C2: variants seen among roughly 807,000 people sequenced by gnomAD.
The protein encoded by C2 is complement C2.
Under a neutral mutation model 85.2 loss-of-function variants are expected in C2, and 64 were observed. The ratio of observed to expected loss-of-function variants is 0.75; its 90% confidence interval spans 0.61 to 0.92. C2 has a LOEUF of 0.92. C2 is among the 40% of genes least tolerant of loss of function. The pLI is 0.00. For synonymous variants in C2, 311 were observed against 370.8 expected (o/e 0.84, Z 1.85); for missense variants, 820 against 971.6 (o/e 0.84, Z 2.07).
At chr6:31,936,317 A>C in intron 7 of C2, 1 of 512,604 alleles carries the variant, frequency 2.0e-6, no homozygotes, top group South Asian at 2.0e-5. Context: ...CCAAAACCAC[A>C]CTGTCTGGTT....
Position 31,930,707 on chromosome 6 carries a change from G to A in C2, c.442+1790G>A, listed in dbSNP as rs1329071312. Among the ~76,000 whole-genome samples the A allele has an allele frequency of 8.5e-5, 13 of 152,160 alleles. No homozygotes were observed. In the East Asian group the frequency reaches 1.9e-3, roughly 23 times the overall value. On this transcript the variant is annotated intron_variant, in intron 3 of 17. Coordinates refer to ENST00000299367, the MANE Select transcript of C2 (RefSeq NM_000063.6). ...ATGGCAGGACCACCTTCACCTAGTG[G>A]CCCAGACCATGGATCCCCACTCATG...
chr6:31,916,558 CAAAAA>C (rs9279453), upstream of C2, among the ~76,000 whole-genome samples: 27 of 81,046 alleles, frequency 3.3e-4, no homozygotes, highest in East Asian at 8.5e-3. Flanking sequence ...GACTCCGTCT[CAAAAA>C]AAAAAAAAAA....
In C2 at chr6:31,944,632, C is replaced by T. The variant is rs942204197; in HGVS notation, c.1903-95C>T. ...CTGACCTCAAGTGATCTGCCTGCCTCAACCTCCCAAAGTGCTGAGATTACA... is the reference window on the plus strand; with the variant it reads ...CTGACCTCAAGTGATCTGCCTGCCTTAACCTCCCAAAGTGCTGAGATTACA... On this transcript the variant is annotated intron_variant, in intron 15 of 17. Transcript: ENST00000299367. The surrounding 1 kb of genome is among the most constrained non-coding windows in gnomAD (Gnocchi z 5.1). The T allele has an allele frequency of 1.4e-6, 2 of 1,398,706 alleles. No individual in the cohort carries two copies. The highest frequency in any genetic ancestry group is 2.0e-6 in the Non-Finnish European group (2 of 987,212). The allele number at this position is 1,398,706 out of a possible 1,614,324, so 86.6% of individuals were successfully genotyped here. A position where few individuals can be genotyped will look rare whatever the true frequency, so the allele number is the denominator to read the frequency against.
chr6:31,931,892 G>T (rs1290108491), intron 3 of C2, among the ~76,000 whole-genome samples: 9 of 148,854 alleles, frequency 6.0e-5, no homozygotes, highest in Non-Finnish European at 1.2e-4. Context: ...CGGGCGGGGG[G>T]CTGACCCCCC....
At chr6:31,901,236 T>A in intron 1 of C2, 3 of 1,613,430 alleles carry the variant, frequency 1.9e-6, no homozygotes, top group Non-Finnish European at 2.5e-6. Context: ...CGGAGCTGGT[T>A]CATGTTCCGT....
intron 8 of C2, among the ~76,000 whole-genome samples, chr6:31,938,314 C>T: frequency 6.6e-6 from 1 of 151,828 alleles, no homozygotes; most frequent in Non-Finnish European, 1.5e-5. Context: ...CACAGTTCCT[C>T]CAGGACTTAG....
intron 1 of C2, among the ~76,000 whole-genome samples, chr6:31,913,733 G>A (rs552490744): frequency 3.3e-5 from 5 of 151,738 alleles, no homozygotes; most frequent in East Asian, 3.9e-4. Context: ...TGCAACCTCC[G>A]CCTCCTGGGT....
rs1292742361 is a variant in C2, at chr6:31,927,926, T to C, written c.47-29T>C. ...CATCTGTGTCTTCCTTCTTTCTCCA[T>C]TGCTGTCTCCTTGTTCCCACGGCTC... On this transcript the variant is annotated intron_variant, in intron 1 of 17. Coordinates refer to ENST00000299367, the MANE Select transcript of C2 (RefSeq NM_000063.6). The surrounding 1 kb of genome is among the most constrained non-coding windows in gnomAD (Gnocchi z 4.7). The C allele has an allele frequency of 1.2e-6, 2 of 1,603,108 alleles. No homozygotes were observed. The highest frequency in any genetic ancestry group is 1.7e-5 in the Admixed American group (1 of 59,984).
At chr6:31,927,614 C>T (rs1164816817), upstream of C2, 2 of 1,593,998 alleles carry the variant, frequency 1.3e-6, no homozygotes, top group African/African-American at 2.7e-5. This position sits in a 1 kb window ranked among gnomAD's most constrained non-coding sequence, Gnocchi z 4.7. Flanking sequence ...TAACAGAAGA[C>T]CATCCCCCTT....
rs776270932 is a variant in C2 at position 31,920,750 on chromosome 6, T to C, written c.-100+724T>C. 2.8e-4 allele frequency among the ~76,000 whole-genome samples: 42 copies of C among 152,264 alleles called. No individual in the cohort carries two copies. Among genetic ancestry groups the C allele is most frequent in the Middle Eastern group, 3.4e-3 (1 of 294 alleles). On this transcript the variant is annotated intron_variant, in intron 1 of 3. Transcript: ENST00000413154. This position sits in a 1 kb window ranked among gnomAD's most constrained non-coding sequence, Gnocchi z 5.6. ...TGAGTCTTTAGAGGTTGAGTTTTTGTCTGAAAGAGATATGGCGCCTACAGG... is the reference window on the plus strand; with the variant it reads ...TGAGTCTTTAGAGGTTGAGTTTTTGCCTGAAAGAGATATGGCGCCTACAGG...
At chr6:31,932,872 G>A (rs1301807967) in intron 3 of C2, among the ~76,000 whole-genome samples, 2 of 152,382 alleles carry the variant, frequency 1.3e-5, no homozygotes, top group African/African-American at 4.8e-5. Context: ...CCAGCACCTC[G>A]GGAGGCCGAG....
upstream of C2, chr6:31,900,907 G>A: frequency 3.1e-6 from 5 of 1,614,182 alleles, no homozygotes; most frequent in Non-Finnish European, 4.2e-6. The surrounding 1 kb of genome is among the most constrained non-coding windows in gnomAD (Gnocchi z 9.7). Context: ...CATCCTCTTT[G>A]AGGCCTATTT....
chr6:31,900,790 T>C (rs758177580), upstream of C2: 4 of 1,573,960 alleles, frequency 2.5e-6, no homozygotes, highest in African/African-American at 4.3e-5. The surrounding 1 kb of genome is among the most constrained non-coding windows in gnomAD (Gnocchi z 9.7). Context: ...GTGGAGGGGG[T>C]AGAGGAGGTG....
intron 1 of C2, among the ~76,000 whole-genome samples, chr6:31,913,402 G>T (rs762117332): frequency 3.3e-5 from 5 of 152,056 alleles, no homozygotes; most frequent in Non-Finnish European, 7.4e-5. Flanking sequence ...ATGGTGAACC[G>T]CTATCTCTAC....
At position 31,921,972 on chromosome 6, in the gene C2, C is replaced by T. The variant is rs1769005569; in HGVS notation, c.-100+1946C>T. Among the ~76,000 whole-genome samples the T allele has an allele frequency of 6.6e-6, 1 of 151,960 alleles. No individual in the cohort carries two copies. The highest frequency in any genetic ancestry group is 1.5e-5 in the Non-Finnish European group (1 of 67,992). Reference sequence around the variant, plus strand: ...CATTGTGGGTGAGTGGAGGTCAATCCCACTCAGGAACCCTGGAGTGGTGCA... The same window carrying T: ...CATTGTGGGTGAGTGGAGGTCAATCTCACTCAGGAACCCTGGAGTGGTGCA... On this transcript the variant is annotated intron_variant, in intron 1 of 3. Transcript: ENST00000413154. This position sits in a 1 kb window ranked among gnomAD's most constrained non-coding sequence, Gnocchi z 4.6.
Position 31,933,622 on chromosome 6 carries a change from C to T in C2, c.455C>T (p.Pro152Leu). ...TGTTCACTCGCAGCTGGCCACTGCC[C>T]CAACCCAGGCATTTCACTGGGCGCA... is the stretch of plus-strand genomic sequence containing the variant. ...AVCDNGAGHC[P>L]NPGISLGAVR... The change falls in exon 4 of 18, where the codon CCC (proline) becomes CTC (leucine). Residue 152 changes from proline to leucine, a missense_variant. Coordinates refer to ENST00000299367, the MANE Select transcript of C2 (RefSeq NM_000063.6). 6.2e-7 allele frequency: 1 copy of T among 1,613,078 alleles called. No individual in the cohort carries two copies. The highest frequency in any genetic ancestry group is 8.5e-7 in the Non-Finnish European group (1 of 1,180,036).
chr6:31,933,958 G>T lies in C2; in HGVS notation c.708G>T (p.Lys236Asn). 1 of 1,613,074 alleles carries T rather than the reference G, an allele frequency of 6.2e-7. No homozygotes were observed. Among genetic ancestry groups the T allele is most frequent in the Non-Finnish European group, 8.5e-7 (1 of 1,178,978 alleles). Residue 236 changes from lysine (K) to asparagine (N), a missense_variant, in exon 5 of 18, where the codon AAG (lysine) becomes AAT (asparagine). Physicochemically the swap from Lys to Asn is moderately conservative, Grantham distance 94. Transcript: ENST00000299367. ...TTGGGGCCACCAATCCCACCCAGAA[G>T]ACAAAGGGTGAGTGTTTGAGGTGGG... Reference protein sequence around the residue: ...HMLGATNPTQKTKESLGRKIQ... With the variant: ...HMLGATNPTQNTKESLGRKIQ...
intron 1 of C2, among the ~76,000 whole-genome samples, chr6:31,913,977 C>A (rs925520251): frequency 6.6e-6 from 1 of 150,736 alleles, no homozygotes; most frequent in Non-Finnish European, 1.5e-5. Flanking sequence ...GTCACCCAGG[C>A]GCGATCTTGG....
At position 31,944,782 on chromosome 6, in the gene C2, C is replaced by G. The variant is rs1354340721; in HGVS notation, c.1958C>G (p.Thr653Arg). Residue 653 changes from threonine to arginine, a missense_variant, in exon 16 of 18, where the codon ACA (threonine) becomes AGA (arginine). By Grantham distance (71) the Thr-to-Arg change is moderately conservative. Transcript: ENST00000299367. The surrounding 1 kb of genome is among the most constrained non-coding windows in gnomAD (Gnocchi z 5.1). ...SQEKTMFPNL[T>R]DVREVVTDQF... is the part of the protein sequence containing the mutation. The stretch of plus-strand genomic sequence containing the variant: ...GAAAAAACCATGTTCCCCAACTTGA[C>G]AGATGTCAGGGAGGTGGTGACAGAC... 1.9e-6 allele frequency: 3 copies of G among 1,613,078 alleles called. No homozygotes were observed. The Admixed American group carries it at 5.0e-5, about 27-fold the overall frequency.
Sources: allele counts gnomAD v4.1 joint callset (sites outside exome capture counted in the v4.1 genomes callset), GRCh38; gene constraint gnomAD v4.1.1; non-coding constraint Gnocchi (gnomAD v3.1); transcripts MANE v1.5; gene names NCBI Gene and HGNC (gene_info 2026-07-23, HGNC 2026-07-21).